B4GALT1: variants seen among roughly 807,000 people sequenced by gnomAD.
B4GALT1 encodes the protein beta-1,4-galactosyltransferase 1, also known as N-acetyllactosamine synthase.
A neutral mutation model predicts 34.9 loss-of-function variants in B4GALT1; 16 were observed. That is an observed-to-expected ratio of 0.46 (90% CI 0.31 to 0.70). B4GALT1 has a LOEUF of 0.70. B4GALT1 is among the 30% of genes least tolerant of loss of function. The pLI is 0.05. For missense variants in B4GALT1, 445 were observed against 530.5 expected (o/e 0.84, Z 1.58); for synonymous variants, 221 against 218.1 (o/e 1.01, Z -0.12).
At chr9:33,126,113 C>A (rs1840090951) in intron 2 of B4GALT1, among the ~76,000 whole-genome samples, 2 of 152,196 alleles carry the variant, frequency 1.3e-5, no homozygotes, top group African/African-American at 4.8e-5. Flanking sequence ...AAGCTCTCAA[C>A]AGGACAGATC....
chr9:33,104,601 G>A, exon 3 of B4GALT1: 1 of 360,922 alleles, frequency 2.8e-6, no homozygotes, highest in Non-Finnish European at 5.4e-6. Flanking sequence ...GCTGGATTCA[G>A]CAACCAGGCT....
chr9:33,120,611 T>A lies in B4GALT1; in HGVS notation c.649-5A>T, dbSNP rs745741818. ...ATTGAATATAGTGTCTCCCGCCTGG[T>A]GCAGAAACAAAAACAGTGATATCAA... On this transcript the variant is annotated splice_polypyrimidine_tract_variant and splice_region_variant and intron_variant, in intron 2 of 5. Transcript: ENST00000379731. 1.3e-5 allele frequency: 21 copies of A among 1,614,130 alleles called. No homozygotes were observed. The highest frequency in any genetic ancestry group is 1.6e-5 in the Non-Finnish European group (19 of 1,180,008).
chr9:33,126,014 C>T (rs1339152800), intron 2 of B4GALT1, among the ~76,000 whole-genome samples: 2 of 152,176 alleles, frequency 1.3e-5, no homozygotes, highest in Admixed American at 6.5e-5. Flanking sequence ...AGAACTTCTA[C>T]GTGATAAGAG....
rs151083328 is a variant in B4GALT1 at position 33,113,794 on chromosome 9, T to C, written c.1044A>G (p.Lys348=). ...TGCACCTCTGAGGATTGGGTTCATT[T>C]TTCTTGTCTCTTGAGTGGCGGATCA... ...CRMIRHSRDK[K]NEPNPQRFDR... The change falls in exon 5 of 6, where the codon AAA becomes AAG. Residue 348 remains lysine (K), a synonymous_variant. Transcript: ENST00000379731. 2.2e-5 allele frequency: 35 copies of C among 1,614,074 alleles called. No individual in the cohort carries two copies. The highest frequency in any genetic ancestry group is 2.7e-5 in the Non-Finnish European group (32 of 1,180,044).
intron 1 of B4GALT1, among the ~76,000 whole-genome samples, chr9:33,147,447 G>C (rs377571530): frequency 6.6e-6 from 1 of 151,838 alleles, no homozygotes; most frequent in East Asian, 2.0e-4. Context: ...GGGTTTCACC[G>C]TGTTGGCCGG....
intron 1 of B4GALT1, among the ~76,000 whole-genome samples, chr9:33,150,763 A>G (rs572202353): frequency 6.6e-6 from 1 of 152,248 alleles, no homozygotes; most frequent in Non-Finnish European, 1.5e-5. Flanking sequence ...TTAAGAATAC[A>G]TCTATGTATA....
downstream of B4GALT1, chr9:33,108,658 ATG>A (rs545782008): frequency 3.2e-3 from 482 of 151,924 alleles, 3 homozygotes; most frequent in Non-Finnish European, 4.8e-3. Flanking sequence ...GTCTGGGTGG[ATG>A]TGTGTGTCTC....
chr9:33,183,393 A>C, the B4GALT1 span, among the ~76,000 whole-genome samples: 2 of 149,816 alleles, frequency 1.3e-5, no homozygotes, highest in African/African-American at 4.9e-5. Context: ...CCAAATGTCC[A>C]ACAATGATAG....
At chr9:33,169,786 G>A (rs1415266495), upstream of B4GALT1, among the ~76,000 whole-genome samples, 2 of 152,066 alleles carry the variant, frequency 1.3e-5, no homozygotes, top group Admixed American at 1.3e-4. Flanking sequence ...CTCCCAAAGT[G>A]CTGGGATTAC....
At position 33,113,057 on chromosome 9, in the gene B4GALT1, C is replaced by T. The variant is rs1246123190; in HGVS notation, c.*397G>A. 1.0e-5 allele frequency: 3 copies of T among 293,282 alleles called. No individual in the cohort carries two copies. The highest frequency in any genetic ancestry group is 2.0e-5 in the Non-Finnish European group (3 of 149,684). The allele number at this position is 293,282 out of a possible 1,614,324, so 18.2% of individuals were successfully genotyped here. A position where few individuals can be genotyped will look rare whatever the true frequency, so the allele number is the denominator to read the frequency against. On this transcript the variant is annotated 3_prime_UTR_variant, in exon 6 of 6. Transcript: ENST00000379731. ...AAAGATCACACCAATCCAATTTTAGCAGCACTCTCCGAATTTTCACGAATA... is the reference window on the plus strand; with the variant it reads ...AAAGATCACACCAATCCAATTTTAGTAGCACTCTCCGAATTTTCACGAATA...
chr9:33,119,588 T>A (rs913037867), intron 3 of B4GALT1, among the ~76,000 whole-genome samples: 4 of 152,208 alleles, frequency 2.6e-5, no homozygotes, highest in Non-Finnish European at 2.9e-5. Flanking sequence ...TGCTGGCTCA[T>A]GCCTGTAGTC....
the B4GALT1 span, among the ~76,000 whole-genome samples, chr9:33,173,440 A>G: frequency 1.3e-5 from 2 of 151,882 alleles, no homozygotes; most frequent in East Asian, 1.9e-4. Flanking sequence ...GCAACTATAT[A>G]TAGATGAGAG....
intron 3 of B4GALT1, 107 bp from the exon 4 acceptor site, chr9:33,116,220 CT>C (rs1839935603): frequency 7.2e-7 from 1 of 1,382,276 alleles, no homozygotes; most frequent in Non-Finnish European, 9.8e-7. Flanking sequence ...ATTCTTTTTG[CT>C]TCTCTAGAGT....
At chr9:33,178,317 C>T in the B4GALT1 span, among the ~76,000 whole-genome samples, 1 of 152,024 alleles carries the variant, frequency 6.6e-6, no homozygotes, top group Non-Finnish European at 1.5e-5. Context: ...GGCCAAGGCT[C>T]AGAAGTTATA....
chr9:33,137,913 G>A (rs1192021752), intron 1 of B4GALT1, among the ~76,000 whole-genome samples: 3 of 152,174 alleles, frequency 2.0e-5, no homozygotes, highest in Non-Finnish European at 4.4e-5. Flanking sequence ...CAGTGAACTT[G>A]TGAAAAACAT....
At chr9:33,108,489 C>T (rs1839818330), downstream of B4GALT1, among the ~76,000 whole-genome samples, 1 of 150,288 alleles carries the variant, frequency 6.7e-6, no homozygotes, top group Non-Finnish European at 1.5e-5. Context: ...TTGTGAGAAA[C>T]TGAGGCACAG....
At chr9:33,170,104 G>C (rs942827729), upstream of B4GALT1, among the ~76,000 whole-genome samples, 1 of 151,544 alleles carries the variant, frequency 6.6e-6, no homozygotes, top group African/African-American at 2.4e-5. Flanking sequence ...CAAGTAGCTG[G>C]GACTACAGGT....
At chr9:33,132,580 G>A (rs540341009) in intron 2 of B4GALT1, among the ~76,000 whole-genome samples, 89 of 152,354 alleles carry the variant, frequency 5.8e-4, no homozygotes, top group Admixed American at 8.5e-4. Flanking sequence ...ACCGGTCTGA[G>A]CTGGCTTGGT....
chr9:33,124,125 G>T (rs1214903274), intron 2 of B4GALT1, among the ~76,000 whole-genome samples: 3 of 152,192 alleles, frequency 2.0e-5, no homozygotes, highest in Non-Finnish European at 4.4e-5. Flanking sequence ...GAAAAGTCAA[G>T]CATTTTCTAG....
Sources: allele counts gnomAD v4.1 joint callset (sites outside exome capture counted in the v4.1 genomes callset), GRCh38; gene constraint gnomAD v4.1.1; transcripts MANE v1.5; gene names NCBI Gene and HGNC (gene_info 2026-07-23, HGNC 2026-07-21).